The following UPK1B variants were observed in gnomAD, a reference collection of about 807,000 sequenced individuals.
UPK1B encodes the protein uroplakin 1B, also known as uroplakin-1b.
In UPK1B, 28 loss-of-function variants were observed where a neutral mutation model predicts 34.2. The ratio of observed to expected loss-of-function variants is 0.82; its 90% CI spans 0.61 to 1.12. UPK1B has a LOEUF of 1.12. UPK1B is among the 50% of genes most tolerant of loss of function. The pLI is 0.00. For missense variants in UPK1B, 325 were observed against 320.9 expected (o/e 1.01, Z -0.10); for synonymous variants, 81 against 110.4 (o/e 0.73, Z 1.67).
intron 1 of UPK1B, among the ~76,000 whole-genome samples, chr3:119,174,927 G>T (rs1576863921): frequency 7.4e-6 from 1 of 134,458 alleles, no homozygotes; most frequent in African/African-American, 2.7e-5. Flanking sequence ...AAGAATCATA[G>T]ACTTTTACAT....
chr3:119,174,428 C>T (rs1310064537), intron 1 of UPK1B, among the ~76,000 whole-genome samples: 3 of 152,050 alleles, frequency 2.0e-5, no homozygotes, highest in Non-Finnish European at 4.4e-5. Context: ...CCTAAAACTC[C>T]ACTTCTAACT....
At chr3:119,196,239 C>T (rs1270699128) in intron 6 of UPK1B, among the ~76,000 whole-genome samples, 1 of 152,136 alleles carries the variant, frequency 6.6e-6, no homozygotes, top group African/African-American at 2.4e-5. Context: ...GATTCCCACA[C>T]ACCACCATTC....
chr3:119,179,335 G>GGA lies in UPK1B; in HGVS notation c.-29+5709_-29+5710dup, dbSNP rs1306071249. 6.7e-4 allele frequency among the ~76,000 whole-genome samples: 34 copies of GGA among 50,950 alleles called. 1 individual carries two copies. Among genetic ancestry groups the GGA allele is most frequent in the African/African-American group, 2.1e-3 (31 of 15,036 alleles). 33.4% of individuals were successfully genotyped at this position (50,950 alleles called of 152,430 possible). A position where few individuals can be genotyped will look rare whatever the true frequency, so the allele number is the denominator to read the frequency against. On this transcript the variant is annotated intron_variant, in intron 1 of 7. Transcript: ENST00000264234. Reference sequence around the variant, plus strand: ...AAAGACCCTGTTGAGAGAGAGAGAGGGAGAGAGAGAGAGGGAGATATATAT... The same window carrying GGA: ...AAAGACCCTGTTGAGAGAGAGAGAGGGAGAGAGAGAGAGAGGGAGATATATAT...
intron 5 of UPK1B, among the ~76,000 whole-genome samples, chr3:119,193,007 C>CA (rs1418000778): frequency 5.4e-5 from 1 of 18,414 alleles, no homozygotes; most frequent in African/African-American, 2.4e-4. Flanking sequence ...CCTCACCACT[C>CA]AACAAAAACA....
At chr3:119,200,055 A>G (rs1216035234) in intron 7 of UPK1B, among the ~76,000 whole-genome samples, 2 of 152,216 alleles carry the variant, frequency 1.3e-5, no homozygotes, top group Non-Finnish European at 2.9e-5. Context: ...AGACAGTTAG[A>G]TTCTCATATT....
intron 7 of UPK1B, among the ~76,000 whole-genome samples, chr3:119,201,992 G>A (rs2078093295): frequency 6.6e-6 from 1 of 152,168 alleles, no homozygotes; most frequent in Non-Finnish European, 1.5e-5. Context: ...CAAACCAGTT[G>A]TAACCCTTGA....
intron 7 of UPK1B, among the ~76,000 whole-genome samples, chr3:119,199,549 G>C (rs1257264815): frequency 6.6e-6 from 1 of 152,230 alleles, no homozygotes; most frequent in Non-Finnish European, 1.5e-5. Context: ...TCCTTCTAAA[G>C]AGCTGCCTCT....
rs76053283 is a variant in UPK1B, at chr3:119,187,782, G to T, written c.77G>T (p.Gly26Val). ...IFGNVIIGCCGIALTAECIFF... is the reference protein window; with the variant it reads ...IFGNVIIGCCVIALTAECIFF... ...CCTTTCATTTGCCCCCAGTGTTGCG[G>T]CATTGCCCTGACTGCGGAGTGCATC... Residue 26 changes from glycine (G) to valine (V), a missense_variant, in exon 3 of 8, where the codon GGC (glycine) becomes GTC (valine). By Grantham distance (109) the Gly-to-Val change is moderately radical (BLOSUM62 -3). Coordinates refer to ENST00000264234, the MANE Select transcript of UPK1B (RefSeq NM_006952.4). 7.4e-5 allele frequency: 120 copies of T among 1,613,794 alleles called. No individual in the cohort carries two copies. In the African/African-American group the frequency reaches 1.5e-3, roughly 20 times the overall value.
chr3:119,177,284 A>G (rs1394864094), intron 1 of UPK1B, among the ~76,000 whole-genome samples: 1 of 152,206 alleles, frequency 6.6e-6, no homozygotes, highest in Admixed American at 6.5e-5. Context: ...GTAGGCTCAC[A>G]GGTGGGAGGT....
intron 7 of UPK1B, among the ~76,000 whole-genome samples, chr3:119,199,399 G>A (rs552926796): frequency 2.5e-4 from 38 of 152,230 alleles, no homozygotes; most frequent in African/African-American, 8.4e-4. Flanking sequence ...GCCTTTAGAG[G>A]GCTGGAGAGC....
chr3:119,175,012 C>CTTTTTTTTTTTTTTTTTTT lies in UPK1B; in HGVS notation c.-29+1391_-29+1409dup, dbSNP rs374721069. ...CAGAACTTTTTTTTTCTTTTATTTTCTTTTTTTTTTTTTTTTTTTTTTTTT... is the reference window on the plus strand; with the variant it reads ...CAGAACTTTTTTTTTCTTTTATTTTCTTTTTTTTTTTTTTTTTTTTTTTTTTTTTTTTTTTTTTTTTTTT... On this transcript the variant is annotated intron_variant, in intron 1 of 7. Coordinates refer to ENST00000264234, the MANE Select transcript of UPK1B (RefSeq NM_006952.4). Among the ~76,000 whole-genome samples, 50 of 67,452 alleles carry CTTTTTTTTTTTTTTTTTTT rather than the reference C, an allele frequency of 7.4e-4. 2 individuals are homozygous for CTTTTTTTTTTTTTTTTTTT. The highest frequency in any genetic ancestry group is 1.1e-3 in the African/African-American group (17 of 16,150). 44.3% of individuals were successfully genotyped at this position (67,452 alleles called of 152,430 possible). A position where few individuals can be genotyped will look rare whatever the true frequency, so the allele number is the denominator to read the frequency against.
intron 1 of UPK1B, among the ~76,000 whole-genome samples, chr3:119,184,903 T>C (rs1350465976): frequency 2.6e-5 from 4 of 152,258 alleles, no homozygotes; most frequent in Non-Finnish European, 4.4e-5. Flanking sequence ...TATTTACTTT[T>C]GTCTCTAGTT....
chr3:119,175,132 A>G (rs1230777196), intron 1 of UPK1B, among the ~76,000 whole-genome samples: 3 of 138,992 alleles, frequency 2.2e-5, no homozygotes, highest in Non-Finnish European at 4.5e-5. Flanking sequence ...GGTAGATGCC[A>G]TTCTCCTGCC....
chr3:119,191,337 G>T (rs3796358), intron 5 of UPK1B, among the ~76,000 whole-genome samples: 15,589 of 152,182 alleles, frequency 0.1, 1,009 homozygotes, highest in East Asian at 0.23. Context: ...GAACTCGAGT[G>T]GTAATTACTG....
intron 5 of UPK1B, among the ~76,000 whole-genome samples, chr3:119,192,246 C>A (rs1396137668): frequency 6.6e-6 from 1 of 152,112 alleles, no homozygotes; most frequent in South Asian, 2.1e-4. Flanking sequence ...ACTTTTATCA[C>A]CCCTTTCATG....
chr3:119,187,716 C>A, intron 2 of UPK1B, 59 bp from the exon 3 acceptor site: 1 of 1,547,668 alleles, frequency 6.5e-7, no homozygotes, highest in Non-Finnish European at 8.9e-7. Context: ...CTTCCCCACC[C>A]TCCACCCCCT....
intron 1 of UPK1B, 137 bp downstream of exon 1, chr3:119,173,775 T>A (rs922083631): frequency 1.3e-4 from 20 of 152,234 alleles, no homozygotes; most frequent in African/African-American, 3.6e-4. Context: ...GTCATTTTTT[T>A]CTTTGTAATT....
At chr3:119,203,074 GGCTCAC>G (rs1433377026) in intron 7 of UPK1B, among the ~76,000 whole-genome samples, 15 of 152,206 alleles carry the variant, frequency 9.9e-5, no homozygotes, top group Non-Finnish European at 1.9e-4. Flanking sequence ...CAGGCGTGGT[GGCTCAC>G]GCCTGTAATC....
At chr3:119,179,437 G>T (rs1393161927) in intron 1 of UPK1B, among the ~76,000 whole-genome samples, 1 of 132,616 alleles carries the variant, frequency 7.5e-6, no homozygotes, top group African/African-American at 2.7e-5. Flanking sequence ...TGATTGTGGG[G>T]GCTGACAAGT....
Sources: allele counts gnomAD v4.1 joint callset (sites outside exome capture counted in the v4.1 genomes callset), GRCh38; gene constraint gnomAD v4.1.1; transcripts MANE v1.5; gene names NCBI Gene and HGNC (gene_info 2026-07-23, HGNC 2026-07-21).